The following EYS variants were observed in gnomAD, a reference collection of about 807,000 sequenced individuals.
EYS encodes the protein protein eyes shut homolog.
EYS carries 250 observed loss-of-function variants against 282.1 expected under a neutral mutation model. The observed-to-expected ratio is 0.89, with a 90% confidence interval of 0.80 to 0.98. The LOEUF (loss-of-function observed/expected upper bound fraction) is 0.98, where lower values mean the gene tolerates loss of function less well. EYS is among the 50% of genes least tolerant of loss of function. EYS has a pLI of 0.00. For synonymous variants in EYS, 1,355 were observed against 1,282.9 expected (o/e 1.06, Z -1.20); for missense variants, 4,016 against 3,709.0 (o/e 1.08, Z -2.15).
intron 26 of EYS, among the ~76,000 whole-genome samples, chr6:64,569,026 G>GAAAAAAAAAAA (rs4034162): frequency 9.8e-6 from 1 of 101,706 alleles, no homozygotes; most frequent in Admixed American, 1.1e-4. Flanking sequence ...AGATGGAAAA[G>GAAAAAAAAAAA]AAAAAAAAAA....
At chr6:64,539,128 G>A (rs1562048967) in intron 26 of EYS, among the ~76,000 whole-genome samples, 1 of 152,114 alleles carries the variant, frequency 6.6e-6, no homozygotes, top group Non-Finnish European at 1.5e-5. Flanking sequence ...TTGTTTAATG[G>A]GTACAGATTT....
intron 30 of EYS, among the ~76,000 whole-genome samples, chr6:64,292,732 T>C (rs1768761074): frequency 6.6e-6 from 1 of 152,096 alleles, no homozygotes; most frequent in Admixed American, 6.6e-5. Flanking sequence ...AGGGACTACG[T>C]TGACTTTTAG....
chr6:64,691,054 CATT>C (rs1437751001), intron 22 of EYS, among the ~76,000 whole-genome samples: 3 of 151,766 alleles, frequency 2.0e-5, no homozygotes, highest in Non-Finnish European at 4.4e-5. Context: ...ATAAATATAT[CATT>C]ACCTCAATAA....
chr6:65,296,541 T>C (rs936784488), intron 11 of EYS, among the ~76,000 whole-genome samples: 1 of 151,704 alleles, frequency 6.6e-6, no homozygotes, highest in African/African-American at 2.4e-5. Context: ...TATATATACA[T>C]ATATATAAGA....
At chr6:65,222,534 A>AT (rs1766496195) in intron 12 of EYS, among the ~76,000 whole-genome samples, 1 of 152,222 alleles carries the variant, frequency 6.6e-6, no homozygotes, top group African/African-American at 2.4e-5. Flanking sequence ...TCCTTTATAA[A>AT]TTACTCAGTC....
chr6:65,110,975 G>C (rs1775199612), intron 12 of EYS, among the ~76,000 whole-genome samples: 1 of 152,032 alleles, frequency 6.6e-6, no homozygotes, highest in African/African-American at 2.4e-5. Context: ...ATAAGGATCT[G>C]AACTGCCTCA....
At chr6:64,091,502 G>T (rs967101940) in intron 31 of EYS, among the ~76,000 whole-genome samples, 5 of 152,080 alleles carry the variant, frequency 3.3e-5, no homozygotes, top group African/African-American at 1.2e-4. Flanking sequence ...TGCAAAATAT[G>T]TTTGCAGAGT....
chr6:65,028,159 C>G lies in EYS; in HGVS notation c.2137+29455G>C, dbSNP rs921679863. 2.6e-5 allele frequency among the ~76,000 whole-genome samples: 4 copies of G among 152,070 alleles called. No individual in the cohort carries two copies. The South Asian group carries it at 8.3e-4, about 32-fold the overall frequency. ...GAGTATTAAGATCAATTTCTGTTAA[C>G]TTTTTATTTTTATATAGCTTAAAGC... On this transcript the variant is annotated intron_variant, in intron 13 of 42. Transcript: ENST00000503581.
intron 33 of EYS, among the ~76,000 whole-genome samples, chr6:64,065,661 G>A (rs1257724385): frequency 2.6e-5 from 4 of 152,030 alleles, no homozygotes; most frequent in African/African-American, 9.7e-5. Context: ...ATTCCTAGCA[G>A]CTGTACTCCA....
Position 64,706,469 on chromosome 6 carries a change from A to T in EYS, c.3444-80224T>A, listed in dbSNP as rs568347921. 3.3e-5 allele frequency among the ~76,000 whole-genome samples: 5 copies of T among 152,334 alleles called. No individual in the cohort carries two copies. In the South Asian group the frequency reaches 8.3e-4, roughly 25 times the overall value. On this transcript the variant is annotated intron_variant, in intron 22 of 42. Transcript: ENST00000503581. ...AAACAAAGATAAATATATGGGACTTAATTAAACTAAAAAACTCTGCACTGC... is the reference window on the plus strand; with the variant it reads ...AAACAAAGATAAATATATGGGACTTTATTAAACTAAAAAACTCTGCACTGC...
chr6:64,360,583 A>G (rs1771972461), intron 29 of EYS, among the ~76,000 whole-genome samples: 1 of 151,726 alleles, frequency 6.6e-6, no homozygotes, highest in Non-Finnish European at 1.5e-5. Flanking sequence ...TGTCAGGTTA[A>G]AATTTTTGGA....
chr6:64,071,077 T>A (rs1052837521), intron 32 of EYS, among the ~76,000 whole-genome samples: 1 of 152,004 alleles, frequency 6.6e-6, no homozygotes, highest in Non-Finnish European at 1.5e-5. Flanking sequence ...TAATTAAGTG[T>A]TTCTTTAACA....
At chr6:65,372,295 A>T (rs1765188873) in intron 8 of EYS, among the ~76,000 whole-genome samples, 1 of 152,132 alleles carries the variant, frequency 6.6e-6, no homozygotes, top group East Asian at 1.9e-4. Context: ...TTAGGAAGTT[A>T]TACAATATTT....
chr6:64,576,173 T>C (rs10494881), intron 26 of EYS, among the ~76,000 whole-genome samples: 14,977 of 152,132 alleles, frequency 0.098, 918 homozygotes, highest in East Asian at 0.17. Context: ...ATTTACATCA[T>C]CCTTGACTAG....
chr6:64,368,901 A>G (rs1416009114), intron 29 of EYS, among the ~76,000 whole-genome samples: 2 of 152,008 alleles, frequency 1.3e-5, no homozygotes, highest in East Asian at 3.9e-4. Context: ...GGAGCTCTTT[A>G]GCTTAATTAG....
intron 2 of EYS, among the ~76,000 whole-genome samples, chr6:65,596,106 G>A (rs926015214): frequency 1.3e-5 from 2 of 152,026 alleles, no homozygotes; most frequent in East Asian, 3.9e-4. Context: ...GTGAAAGAGC[G>A]TCTTTTGAGG....
At chr6:64,322,080 C>G (rs1770236228) in intron 29 of EYS, among the ~76,000 whole-genome samples, 1 of 151,950 alleles carries the variant, frequency 6.6e-6, no homozygotes, top group Admixed American at 6.6e-5. Context: ...GATTTAACAA[C>G]TATTTACTAA....
At chr6:64,677,325 T>A (rs1769724088) in intron 22 of EYS, among the ~76,000 whole-genome samples, 1 of 152,156 alleles carries the variant, frequency 6.6e-6, no homozygotes, top group Non-Finnish European at 1.5e-5. Context: ...GCTCTACTGG[T>A]TTTTTAAAAA....
chr6:64,975,882 CT>C (rs1234855376), intron 14 of EYS, among the ~76,000 whole-genome samples: 1 of 151,500 alleles, frequency 6.6e-6, no homozygotes, highest in African/African-American at 2.4e-5. Context: ...AAATACTGTA[CT>C]AAAAACTGGA....
Sources: allele counts gnomAD v4.1 joint callset (sites outside exome capture counted in the v4.1 genomes callset), GRCh38; gene constraint gnomAD v4.1.1; transcripts MANE v1.5; gene names NCBI Gene and HGNC (gene_info 2026-07-23, HGNC 2026-07-21).